The following LRBA variants were observed in gnomAD, a reference collection of about 807,000 sequenced individuals.
The protein encoded by LRBA is lipopolysaccharide-responsive and beige-like anchor protein.
Under a neutral mutation model 330.0 loss-of-function variants are expected in LRBA, and 176 were observed. That is an observed-to-expected ratio of 0.53 (90% CI 0.47 to 0.60). The LOEUF is 0.60. Among genes scored for constraint, LRBA ranks in the 20% least tolerant of loss-of-function variants. LRBA has a pLI of 0.00. For missense variants in LRBA, 3,259 were observed against 3,444.8 expected (o/e 0.95, Z 1.35); for synonymous variants, 1,230 against 1,193.0 (o/e 1.03, Z -0.64).
intron 19 of LRBA, among the ~76,000 whole-genome samples, 191 bp from the exon 20 acceptor site, chr4:150,870,797 T>C (rs1367621095): frequency 6.6e-6 from 1 of 152,228 alleles, no homozygotes; most frequent in Non-Finnish European, 1.5e-5. Context: ...CTCTATGTTT[T>C]CTTAATTATA....
At chr4:150,535,816 C>T (rs1431030821) in intron 40 of LRBA, among the ~76,000 whole-genome samples, 1 of 152,104 alleles carries the variant, frequency 6.6e-6, no homozygotes, top group African/African-American at 2.4e-5. Context: ...GGTGCTGTGG[C>T]CCATACATTT....
At chr4:150,534,150 TAC>T (rs1764361686) in intron 40 of LRBA, among the ~76,000 whole-genome samples, 1 of 151,852 alleles carries the variant, frequency 6.6e-6, no homozygotes, top group African/African-American at 2.4e-5. Context: ...CTATAAAATA[TAC>T]ACATAGATAA....
intron 29 of LRBA, among the ~76,000 whole-genome samples, chr4:150,829,108 T>C (rs538972878): frequency 1.3e-5 from 2 of 152,182 alleles, no homozygotes; most frequent in African/African-American, 4.8e-5. Flanking sequence ...CTAATTTTTC[T>C]ATTTTTTTGT....
chr4:150,482,720 C>G (rs1757425300), intron 42 of LRBA, among the ~76,000 whole-genome samples: 1 of 152,030 alleles, frequency 6.6e-6, no homozygotes, highest in African/African-American at 2.4e-5. Context: ...AAAAGTTATT[C>G]GAATAGGTAT....
At chr4:150,752,101 C>A (rs1396335333) in intron 35 of LRBA, among the ~76,000 whole-genome samples, 2 of 152,162 alleles carry the variant, frequency 1.3e-5, no homozygotes, top group South Asian at 2.1e-4. Context: ...ATAGTAATTT[C>A]TTTAGAATTA....
intron 2 of LRBA, among the ~76,000 whole-genome samples, chr4:150,977,598 A>G (rs1740343239): frequency 6.6e-6 from 1 of 152,068 alleles, no homozygotes; most frequent in African/African-American, 2.4e-5. Context: ...AGGGCTCCTG[A>G]GATCCCCGAT....
At chr4:150,771,580 A>G in intron 34 of LRBA, among the ~76,000 whole-genome samples, 1 of 152,170 alleles carries the variant, frequency 6.6e-6, no homozygotes, top group East Asian at 1.9e-4. Context: ...GTCTACTCTG[A>G]TAAGAACAAA....
chr4:151,004,026 C>G (rs954282857), intron 2 of LRBA, among the ~76,000 whole-genome samples: 6 of 151,724 alleles, frequency 4.0e-5, no homozygotes, highest in Admixed American at 3.9e-4. Flanking sequence ...TTCCACAAAT[C>G]TCCTGCCTCA....
chr4:150,944,183 T>C (rs575469348), intron 2 of LRBA, among the ~76,000 whole-genome samples: 1 of 152,346 alleles, frequency 6.6e-6, no homozygotes, highest in African/African-American at 2.4e-5. Context: ...AGCTGATAAA[T>C]GTTTATCACT....
intron 56 of LRBA, among the ~76,000 whole-genome samples, chr4:150,272,540 C>A (rs1023637675): frequency 7.2e-5 from 11 of 151,812 alleles, no homozygotes; most frequent in African/African-American, 2.2e-4. Flanking sequence ...ACGTTCTAAT[C>A]CAATGCAAGG....
chr4:150,824,328 T>G (rs572828944), intron 30 of LRBA, among the ~76,000 whole-genome samples: 1 of 152,246 alleles, frequency 6.6e-6, no homozygotes, highest in East Asian at 1.9e-4. Flanking sequence ...ACTCTTTAGG[T>G]TTTTCTAAAT....
At chr4:150,564,919 T>A (rs1768927679) in intron 40 of LRBA, among the ~76,000 whole-genome samples, 1 of 152,152 alleles carries the variant, frequency 6.6e-6, no homozygotes, top group South Asian at 2.1e-4. Context: ...AAGAATGCTT[T>A]TACATCGTTG....
chr4:150,552,852 G>T (rs991915613), intron 40 of LRBA, among the ~76,000 whole-genome samples: 1 of 151,792 alleles, frequency 6.6e-6, no homozygotes, highest in Non-Finnish European at 1.5e-5. Flanking sequence ...GGCAGATCAC[G>T]AGGTCAGGAG....
chr4:150,647,630 C>G (rs982299953), intron 37 of LRBA, among the ~76,000 whole-genome samples: 3 of 151,882 alleles, frequency 2.0e-5, no homozygotes, highest in Non-Finnish European at 2.9e-5. Flanking sequence ...AACTCCTGGG[C>G]TCAAGCAATT....
At chr4:150,695,738 G>A (rs912318718) in intron 36 of LRBA, among the ~76,000 whole-genome samples, 4 of 152,108 alleles carry the variant, frequency 2.6e-5, no homozygotes, top group Admixed American at 1.3e-4. Flanking sequence ...AAATTAAGAA[G>A]CTTTAATTTC....
intron 40 of LRBA, among the ~76,000 whole-genome samples, chr4:150,543,249 C>A (rs1176314492): frequency 6.6e-6 from 1 of 152,170 alleles, no homozygotes; most frequent in African/African-American, 2.4e-5. Flanking sequence ...TCTGTATACA[C>A]ATTGAACTCC....
chr4:150,947,402 C>T (rs1740216743), intron 2 of LRBA, among the ~76,000 whole-genome samples: 1 of 151,746 alleles, frequency 6.6e-6, no homozygotes, highest in Non-Finnish European at 1.5e-5. Context: ...TAATGTAATC[C>T]ACCATATTAA....
At chr4:150,427,294 T>C (rs896558056) in intron 46 of LRBA, among the ~76,000 whole-genome samples, 7 of 152,116 alleles carry the variant, frequency 4.6e-5, no homozygotes, top group African/African-American at 1.4e-4. Flanking sequence ...TTTTCCTGTA[T>C]AGTATGTAAA....
At chr4:150,843,616 C>T (rs1749421174) in intron 28 of LRBA, among the ~76,000 whole-genome samples, 1 of 152,092 alleles carries the variant, frequency 6.6e-6, no homozygotes, top group Non-Finnish European at 1.5e-5. Context: ...AAAAAATATC[C>T]AATATTCAGT....
Sources: allele counts gnomAD v4.1 joint callset (sites outside exome capture counted in the v4.1 genomes callset), GRCh38; gene constraint gnomAD v4.1.1; transcripts MANE v1.5; gene names NCBI Gene and HGNC (gene_info 2026-07-23, HGNC 2026-07-21).